The following LAMA2 variants were observed in gnomAD, a reference collection of about 807,000 sequenced individuals.
The protein encoded by LAMA2 is laminin subunit alpha-2.
Under a neutral mutation model 364.8 loss-of-function variants are expected in LAMA2, and 269 were observed. The observed-to-expected ratio is 0.74, with a 90% CI of 0.67 to 0.82. The LOEUF is 0.82. Among genes scored for constraint, LAMA2 ranks in the 40% least tolerant of loss-of-function variants. The pLI, the probability that LAMA2 is intolerant of heterozygous loss-of-function variation, is 0.00. For missense variants in LAMA2, 3,807 were observed against 3,873.2 expected (o/e 0.98, Z 0.45); for synonymous variants, 1,379 against 1,370.6 (o/e 1.01, Z -0.14).
At chr6:129,185,784 C>T (rs143755387) in intron 10 of LAMA2, among the ~76,000 whole-genome samples, 26 of 151,604 alleles carry the variant, frequency 1.7e-4, no homozygotes, top group East Asian at 1.9e-4. Context: ...AAAGTATTTA[C>T]GTATGGATTA....
intron 12 of LAMA2, among the ~76,000 whole-genome samples, chr6:129,225,612 AGGT>A (rs1287738154): frequency 6.6e-6 from 1 of 152,208 alleles, no homozygotes; most frequent in Non-Finnish European, 1.5e-5. Flanking sequence ...ATTCAGGAAC[AGGT>A]TGTTCAGTTT....
At chr6:128,972,441 A>G (rs1782242387) in intron 1 of LAMA2, among the ~76,000 whole-genome samples, 1 of 152,344 alleles carries the variant, frequency 6.6e-6, no homozygotes, top group South Asian at 2.1e-4. Context: ...TGAACATTCA[A>G]TGTAATCATT....
chr6:129,247,709 G>C (rs1262520285), intron 12 of LAMA2, among the ~76,000 whole-genome samples: 1 of 152,138 alleles, frequency 6.6e-6, no homozygotes, highest in Non-Finnish European at 1.5e-5. Flanking sequence ...AAAATACGTT[G>C]TAATAATGGC....
chr6:129,512,561 G>A, intron 63 of LAMA2, 68 bp downstream of exon 63: 1 of 1,552,262 alleles, frequency 6.4e-7, no homozygotes, highest in Non-Finnish European at 8.9e-7. Context: ...TATCATCCAT[G>A]TGTGGGAAAC....
At chr6:129,395,798 G>A (rs577802460) in intron 37 of LAMA2, among the ~76,000 whole-genome samples, 2 of 152,272 alleles carry the variant, frequency 1.3e-5, no homozygotes, top group South Asian at 4.1e-4. Context: ...CTGGGTCACA[G>A]AAGAATAAAG....
At chr6:129,352,312 T>C (rs1170863445) in intron 31 of LAMA2, among the ~76,000 whole-genome samples, 2 of 152,230 alleles carry the variant, frequency 1.3e-5, no homozygotes, top group African/African-American at 4.8e-5. Context: ...AATGGATGCA[T>C]AGATACGTGG....
chr6:129,312,010 G>C (rs181800888), intron 22 of LAMA2, among the ~76,000 whole-genome samples: 131 of 142,822 alleles, frequency 9.2e-4, no homozygotes, highest in Admixed American at 4.0e-3. Context: ...TGTACTTTAA[G>C]AATTATAGAT....
chr6:129,251,530 A>T (rs929118264), intron 13 of LAMA2, among the ~76,000 whole-genome samples: 2 of 152,226 alleles, frequency 1.3e-5, no homozygotes, highest in Non-Finnish European at 2.9e-5. Flanking sequence ...CAAGAAGCAT[A>T]TGCTTCATAA....
Position 129,251,058 on chromosome 6 carries a change from CTCTCTCTCTCTCTCTCTCTATA to C in LAMA2, c.1884+847_1884+868del, listed in dbSNP as rs1262778140. ...TCTCTCTTTCTCTCTCTCTCTCTCT[CTCTCTCTCTCTCTCTCTCTATA>C]TATATATATATATATATATATATAT... On this transcript the variant is annotated intron_variant, in intron 13 of 64. Coordinates refer to ENST00000421865, the MANE Select transcript of LAMA2 (RefSeq NM_000426.4). Among the ~76,000 whole-genome samples the C allele has an allele frequency of 7.6e-4, 54 of 71,160 alleles. No homozygotes were observed. The East Asian group carries it at 0.011, about 14-fold the overall frequency. The allele number at this position is 71,160 out of a possible 152,430, so 46.7% of individuals were successfully genotyped here.
intron 4 of LAMA2, among the ~76,000 whole-genome samples, chr6:129,136,365 C>T (rs902535599): frequency 5.9e-5 from 9 of 152,052 alleles, no homozygotes; most frequent in Admixed American, 2.0e-4. Flanking sequence ...GCAGCTAAGG[C>T]TTTGCTTCTA....
At position 129,177,104 on chromosome 6, in the gene LAMA2, G is replaced by A. The variant is rs149198349; in HGVS notation, c.1307-602G>A. On this transcript the variant is annotated intron_variant, in intron 9 of 64. Transcript: ENST00000421865. ...TTAATCAAAGACATGAATAAACATT[G>A]TGTTTTGTATTTCTGTATGTTAAAA... Among the ~76,000 whole-genome samples, 91 of 152,070 alleles carry A rather than the reference G, an allele frequency of 6.0e-4. 2 individuals are homozygous for A. The East Asian group carries it at 0.016, about 27-fold the overall frequency.
At chr6:128,950,333 GA>G (rs1344188782) in intron 1 of LAMA2, among the ~76,000 whole-genome samples, 1 of 152,086 alleles carries the variant, frequency 6.6e-6, no homozygotes, top group Non-Finnish European at 1.5e-5. Context: ...GATTGTTCAA[GA>G]AAAGTGAGTA....
intron 1 of LAMA2, among the ~76,000 whole-genome samples, chr6:128,887,754 C>T (rs1776225398): frequency 6.6e-6 from 1 of 152,110 alleles, no homozygotes; most frequent in South Asian, 2.1e-4. Context: ...CCTGTAATCC[C>T]AGCTACTCAG....
intron 12 of LAMA2, among the ~76,000 whole-genome samples, chr6:129,213,798 A>G (rs1324497597): frequency 6.6e-6 from 1 of 152,040 alleles, no homozygotes; most frequent in African/African-American, 2.4e-5. Context: ...TTTTCTTGCA[A>G]ATGGTAGTTT....
At chr6:129,240,890 A>G (rs1282603680) in intron 12 of LAMA2, among the ~76,000 whole-genome samples, 2 of 152,206 alleles carry the variant, frequency 1.3e-5, no homozygotes, top group Non-Finnish European at 2.9e-5. Flanking sequence ...TGACTTAAAT[A>G]TTGATTTTTC....
rs1787062040 is a variant in LAMA2, at chr6:129,260,751, A to G, written c.2137A>G (p.Thr713Ala). ...VNLESAVSYP[T>A]DGSIAAAVEV... ...CCTTGAATCCGCTGTCTCCTATCCT[A>G]CTGATGGAAGCATTGCAGCAGCTGT... Residue 713 changes from threonine to alanine, a missense_variant, in exon 15 of 65, where the codon ACT becomes GCT. Thr to Ala is a moderately conservative substitution (Grantham distance 58, BLOSUM62 0). This residue lies in a region of LAMA2 where 3,333 missense variants were observed against 3,345.7 expected (regional missense o/e 1.00). Transcript: ENST00000421865. 2 of 1,612,748 alleles carry G rather than the reference A, an allele frequency of 1.2e-6. No homozygotes were observed. The highest frequency in any genetic ancestry group is 1.7e-6 in the Non-Finnish European group (2 of 1,178,976).
rs903342311 is a variant in LAMA2 at position 129,383,190 on chromosome 6, G to A, written c.5028G>A (p.Lys1676=). The A allele has an allele frequency of 1.2e-6, 2 of 1,613,710 alleles. 1 individual carries two copies. Among genetic ancestry groups the A allele is most frequent in the Non-Finnish European group, 1.7e-6 (2 of 1,179,912 alleles). Residue 1676 remains lysine, a synonymous_variant, in exon 35 of 65, where the codon AAG becomes AAA. Coordinates refer to ENST00000421865, the MANE Select transcript of LAMA2 (RefSeq NM_000426.4). ...CTGAGAGGACCAACACAAGAGCAAAGTCCCTGGGAGAATTCATTAAGGAGC... is the reference window on the plus strand; with the variant it reads ...CTGAGAGGACCAACACAAGAGCAAAATCCCTGGGAGAATTCATTAAGGAGC... ...QDAERTNTRA[K]SLGEFIKELA...
chr6:129,138,008 T>A (rs1483542977), intron 4 of LAMA2, among the ~76,000 whole-genome samples: 3 of 151,984 alleles, frequency 2.0e-5, no homozygotes, highest in Admixed American at 6.6e-5. Flanking sequence ...CAGCTGAGAT[T>A]TTAAAGATAT....
At chr6:129,399,868 T>C (rs559739672) in intron 37 of LAMA2, among the ~76,000 whole-genome samples, 2 of 152,260 alleles carry the variant, frequency 1.3e-5, no homozygotes, top group East Asian at 1.9e-4. Flanking sequence ...ATAGAAGAGA[T>C]AGTATTTTCG....
Sources: gnomAD v4.1 joint callset for allele counts (sites outside exome capture counted in the v4.1 genomes callset) on GRCh38, gnomAD v4.1.1 for gene constraint, gnomAD v4.1.1 regional missense constraint, MANE v1.5 for transcripts, NCBI Gene and HGNC (gene_info 2026-07-23, HGNC 2026-07-21) for gene names.